PPP1R37: variants seen among roughly 807,000 people sequenced by gnomAD.
PPP1R37 encodes protein phosphatase 1 regulatory subunit 37.
A neutral mutation model predicts 61.0 loss-of-function variants in PPP1R37; 21 were observed. The ratio of observed to expected loss-of-function variants is 0.34; its 90% CI spans 0.24 to 0.50. PPP1R37 has a LOEUF of 0.50. PPP1R37 is among the 20% of genes least tolerant of loss of function. PPP1R37 has a pLI of 0.98. For missense variants in PPP1R37, 910 were observed against 952.7 expected, an observed-to-expected ratio of 0.96 and a Z score of 0.59; for synonymous variants, 443 against 433.5, an observed-to-expected ratio of 1.02 and a Z score of -0.27.
rs754513726 is a variant in PPP1R37 at position 45,121,943 on chromosome 19, G to C, written c.203-16571G>C. On this transcript the variant is annotated intron_variant, in intron 1 of 12. Transcript: ENST00000221462. The surrounding 1 kb of genome is among the most constrained non-coding windows in gnomAD (Gnocchi z 4.2). ...AGGCGGGAGTGAGGATGGTCTCCACGTGGGCAGTGTAGACGTGTGGTTTTG... is the reference window on the plus strand; with the variant it reads ...AGGCGGGAGTGAGGATGGTCTCCACCTGGGCAGTGTAGACGTGTGGTTTTG... Among the ~76,000 whole-genome samples the C allele has an allele frequency of 6.6e-6, 1 of 152,232 alleles. No homozygotes were observed. Among genetic ancestry groups the C allele is most frequent in the Non-Finnish European group, 1.5e-5 (1 of 68,032 alleles).
chr19:45,128,544 G>A, intron 1 of PPP1R37: 3 of 1,203,892 alleles, frequency 2.5e-6, no homozygotes, highest in Non-Finnish European at 3.5e-6. Flanking sequence ...GTGTTTGCGA[G>A]AGCTGGAATC....
intron 1 of PPP1R37, among the ~76,000 whole-genome samples, chr19:45,127,216 G>T (rs1968416555): frequency 1.3e-5 from 2 of 152,138 alleles, no homozygotes; most frequent in African/African-American, 4.8e-5. Context: ...TGGCGTGGTG[G>T]CGTGTGCCTG....
At chr19:45,146,303 C>T in intron 11 of PPP1R37, 87 bp from the exon 12 acceptor site, 3 of 1,278,278 alleles carry the variant, frequency 2.3e-6, no homozygotes, top group South Asian at 1.3e-5. Flanking sequence ...CTCTGCAGGC[C>T]CTGAGGGTCT....
At position 45,145,561 on chromosome 19, in the gene PPP1R37, G is replaced by T. The variant is rs1175741526; in HGVS notation, c.1505G>T (p.Ser502Ile). The T allele has an allele frequency of 6.5e-7, 1 of 1,535,400 alleles. No individual in the cohort carries two copies. The highest frequency in any genetic ancestry group is 8.7e-7 in the Non-Finnish European group (1 of 1,146,604). The change falls in exon 11 of 13, where the codon AGC (serine) becomes ATC (isoleucine). Residue 502 changes from serine (S) to isoleucine (I), a missense_variant. Ser to Ile is a moderately radical substitution (Grantham distance 142, BLOSUM62 -2). Around this residue, in one of 3 missense-constraint regions of PPP1R37, gnomAD observed 549 missense variants for 505.1 expected, o/e 1.09. Transcript: ENST00000221462. ...AACGGGGCCCCCAGCCCCGCACCCA[G>T]CCCGGACTCAGACTCAGACTCGGAC... ...VQNGAPSPAP[S>I]PDSDSDSDSD...
At chr19:45,139,080 AT>A (rs1310706621) in intron 2 of PPP1R37, among the ~76,000 whole-genome samples, 1 of 151,114 alleles carries the variant, frequency 6.6e-6, no homozygotes, top group Non-Finnish European at 1.5e-5. Flanking sequence ...TGCCCAGCTA[AT>A]TTTTTTTGTA....
intron 1 of PPP1R37, among the ~76,000 whole-genome samples, chr19:45,104,019 G>C (rs1968097733): frequency 6.6e-6 from 1 of 152,076 alleles, no homozygotes; most frequent in Non-Finnish European, 1.5e-5. Flanking sequence ...CCTCTGCCTA[G>C]CACGCCCCTC....
rs1293793447 is a variant in PPP1R37 at position 45,144,856 on chromosome 19, G to A, written c.990G>A (p.Pro330=). The A allele has an allele frequency of 2.1e-5, 32 of 1,527,774 alleles. 1 individual carries two copies. Among genetic ancestry groups the A allele is most frequent in the South Asian group, 1.2e-4 (10 of 82,842 alleles). 94.6% of individuals were successfully genotyped at this position (1,527,774 alleles called of 1,614,324 possible). ...ACCCTCACACCCCCTCCCTCCAGCCGCACACTCAGAGCCTGGAGACGCTGA... is the reference window on the plus strand; with the variant it reads ...ACCCTCACACCCCCTCCCTCCAGCCACACACTCAGAGCCTGGAGACGCTGA... ...TGMAFLGMTL[P]HTQSLETLNL... is the part of the protein sequence containing the mutation. Residue 330 remains proline (P), a splice_region_variant and synonymous_variant, in exon 9 of 13, where the codon CCG becomes CCA. Transcript: ENST00000221462.
At chr19:45,096,240 G>A (rs980605820) in intron 1 of PPP1R37, among the ~76,000 whole-genome samples, 5 of 152,086 alleles carry the variant, frequency 3.3e-5, no homozygotes, top group African/African-American at 7.2e-5. Context: ...CAGTCAATGC[G>A]TGGGCCTGGA....
In PPP1R37 at chr19:45,140,226, A is replaced by C. The variant is rs1356006566; in HGVS notation, c.301-10A>C. The C allele has an allele frequency of 3.9e-6, 6 of 1,535,252 alleles. No homozygotes were observed. Among genetic ancestry groups the C allele is most frequent in the Admixed American group, 2.0e-5 (1 of 50,970 alleles). On this transcript the variant is annotated splice_polypyrimidine_tract_variant and intron_variant, in intron 2 of 12. Coordinates refer to ENST00000221462, the MANE Select transcript of PPP1R37 (RefSeq NM_019121.2). ...TGTCTTCCTGCCTTAACCCCACTCT[A>C]CTTTCTCAGGAATTCACAGACCTCG...
intron 1 of PPP1R37, among the ~76,000 whole-genome samples, chr19:45,136,610 G>T (rs1276602972): frequency 6.6e-6 from 1 of 152,072 alleles, no homozygotes; most frequent in Non-Finnish European, 1.5e-5. Context: ...TCTGCAAGAG[G>T]GGCACCTGCC....
At position 45,121,794 on chromosome 19, in the gene PPP1R37, C is replaced by T. The variant is rs1968345558; in HGVS notation, c.203-16720C>T. 2.0e-5 allele frequency among the ~76,000 whole-genome samples: 3 copies of T among 152,222 alleles called. No individual in the cohort carries two copies. The highest frequency in any genetic ancestry group is 7.2e-5 in the African/African-American group (3 of 41,448). On this transcript the variant is annotated intron_variant, in intron 1 of 12. Transcript: ENST00000221462. The surrounding 1 kb of genome is among the most constrained non-coding windows in gnomAD (Gnocchi z 4.2). ...GGGTTTGACTACATATCAGGCTGCC[C>T]TGGGGCCCCTTTCAGTAAAGATACT...
At position 45,093,350 on chromosome 19, in the gene PPP1R37, C is replaced by T; in HGVS notation, c.25C>T (p.Pro9Ser). The change falls in exon 1 of 13, where the codon CCG becomes TCG. Residue 9 changes from proline (P) to serine (S), a missense_variant. Around this residue, in one of 3 missense-constraint regions of PPP1R37, gnomAD observed 81 missense variants for 65.4 expected, o/e 1.24. Transcript: ENST00000221462. ...TATGGAGATCGCGCCGCAGGAGGCG[C>T]CGCCCGTGCCGGGCGCGGACGGCGA... Reference protein sequence around the residue: MEIAPQEAPPVPGADGDIE... With the variant: MEIAPQEASPVPGADGDIE... The T allele has an allele frequency of 6.7e-7, 1 of 1,500,700 alleles. No homozygotes were observed. Among genetic ancestry groups the T allele is most frequent in the South Asian group, 1.2e-5 (1 of 81,012 alleles). 93.0% of individuals were successfully genotyped at this position (1,500,700 alleles called of 1,614,324 possible). A position where few individuals can be genotyped will look rare whatever the true frequency, so the allele number is the denominator to read the frequency against.
At chr19:45,128,734 T>TA in intron 1 of PPP1R37, 1 of 800,386 alleles carries the variant, frequency 1.2e-6, no homozygotes, top group Non-Finnish European at 2.0e-6. Context: ...CGCGTCAAGG[T>TA]CCACCTGGTT....
intron 1 of PPP1R37, among the ~76,000 whole-genome samples, chr19:45,115,536 C>T (rs189768505): frequency 6.6e-6 from 1 of 152,218 alleles, no homozygotes; most frequent in East Asian, 1.9e-4. Context: ...GGCTCGAATC[C>T]CGGCTCTGAC....
intron 1 of PPP1R37, among the ~76,000 whole-genome samples, chr19:45,104,401 A>G (rs1454516000): frequency 1.3e-5 from 2 of 152,172 alleles, no homozygotes; most frequent in Non-Finnish European, 2.9e-5. Context: ...GGTGCCGCAA[A>G]GCCTTTGTAA....
In PPP1R37 at chr19:45,135,066, G is replaced by A. The variant is rs547574756; in HGVS notation, c.203-3448G>A. 2.0e-5 allele frequency among the ~76,000 whole-genome samples: 3 copies of A among 152,258 alleles called. No homozygotes were observed. The East Asian group carries it at 5.8e-4, about 29-fold the overall frequency. On this transcript the variant is annotated intron_variant, in intron 1 of 12. Transcript: ENST00000221462. Reference sequence around the variant, plus strand: ...AGTTCGAGACCAGCCTGACCAACGTGGTGAAACCCCATCTCTACTAAAAAT... The same window carrying A: ...AGTTCGAGACCAGCCTGACCAACGTAGTGAAACCCCATCTCTACTAAAAAT...
intron 1 of PPP1R37, among the ~76,000 whole-genome samples, chr19:45,117,351 G>C (rs2122726218): frequency 6.6e-6 from 1 of 152,336 alleles, no homozygotes; most frequent in South Asian, 2.1e-4. Flanking sequence ...CTGTAGAGTG[G>C]CTGAGGAGGC....
chr19:45,143,488 C>T (rs776081171), intron 7 of PPP1R37, 33 bp from the exon 8 acceptor site: 5 of 1,376,836 alleles, frequency 3.6e-6, no homozygotes, highest in Non-Finnish European at 4.0e-6. Flanking sequence ...CACCCGGACC[C>T]CAGACAGGGC....
intron 1 of PPP1R37, among the ~76,000 whole-genome samples, chr19:45,117,033 C>A (rs886346409): frequency 6.6e-6 from 1 of 151,994 alleles, no homozygotes; most frequent in African/African-American, 2.4e-5. Flanking sequence ...CTGTCTCAGC[C>A]TCCCAAGTAT....
Sources: gnomAD v4.1 joint callset for allele counts (sites outside exome capture counted in the v4.1 genomes callset) on GRCh38, gnomAD v4.1.1 for gene constraint, gnomAD v4.1.1 regional missense constraint, Gnocchi (gnomAD v3.1) non-coding constraint, MANE v1.5 for transcripts, NCBI Gene and HGNC (gene_info 2026-07-23, HGNC 2026-07-21) for gene names.